Variants in SPRED1 observed in about 807,000 individuals in gnomAD.
The protein encoded by SPRED1 is sprouty-related, EVH1 domain-containing protein 1.
In SPRED1, 18 loss-of-function variants were observed where a neutral mutation model predicts 52.3. The observed-to-expected ratio is 0.34, with a 90% CI of 0.24 to 0.51. The LOEUF (loss-of-function observed/expected upper bound fraction) is 0.51. Ranked by LOEUF, SPRED1 falls within the 20% of genes least tolerant of loss-of-function variation. The pLI is 0.97. For synonymous variants in SPRED1, 155 were observed against 179.7 expected (o/e 0.86, Z 1.10); for missense variants, 485 against 551.0 (o/e 0.88, Z 1.20).
intron 1 of SPRED1, among the ~76,000 whole-genome samples, chr15:38,258,732 T>G (rs1409030802): frequency 6.6e-6 from 1 of 152,156 alleles, no homozygotes; most frequent in Admixed American, 6.5e-5. Context: ...ATTTAAAAAC[T>G]TATTAGGTTG....
At chr15:38,330,544 A>G (rs1384506869) in intron 4 of SPRED1, among the ~76,000 whole-genome samples, 2 of 152,008 alleles carry the variant, frequency 1.3e-5, no homozygotes, top group Non-Finnish European at 2.9e-5. Flanking sequence ...AATTAGAGTA[A>G]TTTTTTTCCT....
intron 1 of SPRED1, among the ~76,000 whole-genome samples, chr15:38,271,273 G>A (rs1218594910): frequency 6.6e-6 from 1 of 152,156 alleles, no homozygotes; most frequent in African/African-American, 2.4e-5. Context: ...GCATATTTTA[G>A]TGGTAATTAA....
chr15:38,350,979 G>A, intron 6 of SPRED1, 35 bp from the exon 7 acceptor site: 1 of 1,594,750 alleles, frequency 6.3e-7, no homozygotes, highest in Non-Finnish European at 8.5e-7. Context: ...AACCATCATA[G>A]CCCTCATTGC....
chr15:38,254,597 A>T (rs1894052596), intron 1 of SPRED1, among the ~76,000 whole-genome samples: 1 of 152,258 alleles, frequency 6.6e-6, no homozygotes, highest in Non-Finnish European at 1.5e-5. Context: ...GTCTGTGTGT[A>T]GATTTTTGAG....
intron 2 of SPRED1, among the ~76,000 whole-genome samples, chr15:38,321,600 T>C (rs757175231): frequency 5.9e-5 from 9 of 152,204 alleles, no homozygotes; most frequent in African/African-American, 1.2e-4. Flanking sequence ...TATTTTGTTT[T>C]GTTTTGTTTT....
intron 1 of SPRED1, among the ~76,000 whole-genome samples, chr15:38,280,496 T>C (rs924052700): frequency 6.9e-6 from 1 of 144,944 alleles, no homozygotes; most frequent in Non-Finnish European, 1.5e-5. Flanking sequence ...GACATGGATA[T>C]CATCTTTGCG....
At chr15:38,331,525 G>T (rs1036990578) in intron 4 of SPRED1, among the ~76,000 whole-genome samples, 1 of 152,072 alleles carries the variant, frequency 6.6e-6, no homozygotes, top group Non-Finnish European at 1.5e-5. Context: ...TTGGTTATTA[G>T]TACAGGTTGA....
Position 38,299,360 on chromosome 15 carries a change from G to A in SPRED1, c.33-13G>A. 1 of 1,613,598 alleles carries A rather than the reference G, an allele frequency of 6.2e-7. No individual in the cohort carries two copies. The highest frequency in any genetic ancestry group is 1.1e-5 in the South Asian group (1 of 91,072). ...ATGGAAAAGCTAATTCCTGATCTTT[G>A]CATCTATTTTAGTAATAGTTATGCA... On this transcript the variant is annotated splice_polypyrimidine_tract_variant and intron_variant, in intron 1 of 6. Coordinates refer to ENST00000299084, the MANE Select transcript of SPRED1 (RefSeq NM_152594.3).
chr15:38,292,488 TGGACTTAACAATTCCACAGGGCTGGGGA>T (rs1894944105), intron 1 of SPRED1, among the ~76,000 whole-genome samples: 1 of 152,170 alleles, frequency 6.6e-6, no homozygotes, highest in South Asian at 2.1e-4. Flanking sequence ...GAGGTTTAAT[TGGACTTAACAATTCCACAGGGCTGGGGA>T]GGCCTCAGAA....
chr15:38,256,027 A>G (rs1207186819), intron 1 of SPRED1, among the ~76,000 whole-genome samples: 1 of 152,180 alleles, frequency 6.6e-6, no homozygotes, highest in Admixed American at 6.5e-5. Context: ...TTTTATGTAG[A>G]GAAATGGATA....
intron 1 of SPRED1, among the ~76,000 whole-genome samples, chr15:38,273,520 A>ATAT (rs1894483331): frequency 7.0e-6 from 1 of 142,986 alleles, no homozygotes; most frequent in South Asian, 2.1e-4. Flanking sequence ...ATGTATTATT[A>ATAT]ATATATATAT....
At chr15:38,268,847 C>T (rs948243029) in intron 1 of SPRED1, among the ~76,000 whole-genome samples, 2 of 152,058 alleles carry the variant, frequency 1.3e-5, no homozygotes, top group African/African-American at 4.8e-5. Flanking sequence ...GAGAGGGATT[C>T]CTATCTACCT....
chr15:38,253,751 A>T (rs569259176), intron 1 of SPRED1, among the ~76,000 whole-genome samples: 1 of 152,316 alleles, frequency 6.6e-6, no homozygotes, highest in East Asian at 1.9e-4. Context: ...TTCTTGTAAA[A>T]AATAGGGTTA....
intron 1 of SPRED1, among the ~76,000 whole-genome samples, chr15:38,278,934 T>A (rs1388319327): frequency 6.7e-6 from 1 of 148,876 alleles, no homozygotes; most frequent in African/African-American, 2.5e-5. Flanking sequence ...TTCAAGTGAT[T>A]CTCCTGCCTC....
At chr15:38,350,940 C>A in intron 6 of SPRED1, 74 bp from the exon 7 acceptor site, 1 of 1,393,164 alleles carries the variant, frequency 7.2e-7, no homozygotes, top group Non-Finnish European at 9.9e-7. Flanking sequence ...TATCTGGACA[C>A]TGGCCCCACC....
intron 2 of SPRED1, among the ~76,000 whole-genome samples, chr15:38,304,660 C>T (rs1310543499): frequency 2.0e-5 from 3 of 152,154 alleles, no homozygotes; most frequent in Non-Finnish European, 2.9e-5. Flanking sequence ...TCATTCTTGG[C>T]TACTTTTCTT....
chr15:38,278,894 C>T (rs1894625149), intron 1 of SPRED1, among the ~76,000 whole-genome samples: 1 of 140,440 alleles, frequency 7.1e-6, no homozygotes, highest in African/African-American at 2.6e-5. Context: ...GTGGCGGAAT[C>T]TTAGCTCACT....
intron 5 of SPRED1, among the ~76,000 whole-genome samples, chr15:38,340,318 C>G (rs1896002717): frequency 6.6e-6 from 1 of 151,894 alleles, no homozygotes; most frequent in Non-Finnish European, 1.5e-5. Flanking sequence ...ATTTTTTCTT[C>G]CCTTATTCTG....
At chr15:38,328,406 A>G (rs1895750663) in intron 4 of SPRED1, among the ~76,000 whole-genome samples, 2 of 152,186 alleles carry the variant, frequency 1.3e-5, no homozygotes, top group African/African-American at 4.8e-5. Context: ...CTATTGGACA[A>G]CTTTCTGCTT....
Sources: gnomAD v4.1 joint callset for allele counts (sites outside exome capture counted in the v4.1 genomes callset) on GRCh38, gnomAD v4.1.1 for gene constraint, MANE v1.5 for transcripts, NCBI Gene and HGNC (gene_info 2026-07-23, HGNC 2026-07-21) for gene names.